The following SLC23A2 variants were observed in gnomAD, a reference collection of about 807,000 sequenced individuals.
SLC23A2 encodes solute carrier family 23 member 2.
A neutral mutation model predicts 73.3 loss-of-function variants in SLC23A2; 36 were observed. The observed-to-expected ratio is 0.49, with a 90% confidence interval of 0.38 to 0.65. The LOEUF (loss-of-function observed/expected upper bound fraction) is 0.65, where lower values mean the gene tolerates loss of function less well. SLC23A2 is among the 30% of genes least tolerant of loss of function. The probability of loss-of-function intolerance (pLI) is 0.00; values close to 1 mark genes in which losing one functional copy is unlikely to be tolerated. For missense variants in SLC23A2, 507 were observed against 841.6 expected, an observed-to-expected ratio of 0.60 and a Z score of 4.92; for synonymous variants, 343 against 327.3, an observed-to-expected ratio of 1.05 and a Z score of -0.52.
At chr20:4,865,925 T>C (rs1425416965) in intron 13 of SLC23A2, among the ~76,000 whole-genome samples, 2 of 152,172 alleles carry the variant, frequency 1.3e-5, no homozygotes, top group African/African-American at 4.8e-5. Context: ...CTCTGCGTCC[T>C]GGGTTCAAGT....
chr20:4,973,589 T>C (rs1251814114), intron 1 of SLC23A2, among the ~76,000 whole-genome samples: 2 of 152,162 alleles, frequency 1.3e-5, no homozygotes, highest in East Asian at 3.8e-4. Flanking sequence ...TAAGAAGGAA[T>C]CACGATACAA....
intron 5 of SLC23A2, among the ~76,000 whole-genome samples, chr20:4,900,821 G>A (rs1322169209): frequency 6.6e-6 from 1 of 151,612 alleles, no homozygotes; most frequent in Non-Finnish European, 1.5e-5. Context: ...TTCCCCTGTT[G>A]ACCAGTTCTT....
At chr20:4,896,282 C>T (rs913875688) in intron 6 of SLC23A2, among the ~76,000 whole-genome samples, 2 of 152,176 alleles carry the variant, frequency 1.3e-5, no homozygotes, top group Non-Finnish European at 2.9e-5. Context: ...AGGACCCACA[C>T]GGAAGAAGGT....
intron 4 of SLC23A2, among the ~76,000 whole-genome samples, chr20:4,910,742 G>A (rs1932113427): frequency 1.3e-5 from 2 of 152,140 alleles, no homozygotes; most frequent in Admixed American, 6.6e-5. Flanking sequence ...AGCCCAACTA[G>A]CACTATTTAA....
intron 1 of SLC23A2, among the ~76,000 whole-genome samples, chr20:4,994,126 C>T (rs1414204376): frequency 1.3e-5 from 2 of 152,116 alleles, no homozygotes; most frequent in Non-Finnish European, 2.9e-5. Flanking sequence ...ATTCTCAGCA[C>T]TGACCACATA....
chr20:4,908,907 C>T (rs6116577), intron 4 of SLC23A2, among the ~76,000 whole-genome samples: 1 of 152,150 alleles, frequency 6.6e-6, no homozygotes, highest in Non-Finnish European at 1.5e-5. Flanking sequence ...GCATTCCAGC[C>T]TGAATGACAG....
chr20:4,858,111 C>A (rs570333918), intron 16 of SLC23A2, among the ~76,000 whole-genome samples: 2 of 152,208 alleles, frequency 1.3e-5, no homozygotes, highest in African/African-American at 2.4e-5. Context: ...TTCACCCCCC[C>A]ATCTAGACAG....
chr20:4,899,814 C>T lies in SLC23A2; in HGVS notation c.325-102G>A, dbSNP rs1931680458. On this transcript the variant is annotated intron_variant, in intron 5 of 16. Transcript: ENST00000338244. The surrounding 1 kb of genome is among the most constrained non-coding windows in gnomAD (Gnocchi z 4.9). ...CTCTTATTGTCGTTAAAAAATAGCC[C>T]ACATAAAGAATCTCCTTGGTTTTTC... 3 of 1,207,038 alleles carry T rather than the reference C, an allele frequency of 2.5e-6. No individual in the cohort carries two copies. The highest frequency in any genetic ancestry group is 2.3e-6 in the Non-Finnish European group (2 of 853,860). The allele number at this position is 1,207,038 out of a possible 1,614,324, so 74.8% of individuals were successfully genotyped here.
At chr20:4,900,242 T>C (rs1015439366) in intron 5 of SLC23A2, among the ~76,000 whole-genome samples, 1 of 152,360 alleles carries the variant, frequency 6.6e-6, no homozygotes, top group African/African-American at 2.4e-5. Flanking sequence ...CTTGGATGAA[T>C]CCATGCCTCA....
rs572655618 is a variant in SLC23A2, at chr20:4,984,326, G to A, written c.-281-13407C>T. Among the ~76,000 whole-genome samples, 82 of 152,018 alleles carry A rather than the reference G, an allele frequency of 5.4e-4. 1 individual carries two copies. In the East Asian group the frequency reaches 7.2e-3, roughly 13 times the overall value. On this transcript the variant is annotated intron_variant, in intron 1 of 16. Transcript: ENST00000338244. ...TCCCAGCACTTTGGGAGGCCGAGGC[G>A]GGTGGATCACAAGGTCAGGAGATCG...
At chr20:4,909,904 GA>G (rs2122888654) in intron 4 of SLC23A2, among the ~76,000 whole-genome samples, 1 of 152,282 alleles carries the variant, frequency 6.6e-6, no homozygotes, top group South Asian at 2.1e-4. Flanking sequence ...CAAAGTTACA[GA>G]AGACAAGTTT....
chr20:4,932,728 G>A lies in SLC23A2; in HGVS notation c.-154-12C>T, dbSNP rs1051148788. ...GCATCTCTTAGCACCTAGAAAAGAAGAGCACAGCCAAATCACCCCAAAGCA... is the reference window on the plus strand; with the variant it reads ...GCATCTCTTAGCACCTAGAAAAGAAAAGCACAGCCAAATCACCCCAAAGCA... On this transcript the variant is annotated splice_polypyrimidine_tract_variant and intron_variant, in intron 2 of 16. Transcript: ENST00000338244. The A allele has an allele frequency of 1.7e-6, 1 of 587,704 alleles. No homozygotes were observed. The highest frequency in any genetic ancestry group is 1.9e-5 in the African/African-American group (1 of 53,634). 36.4% of individuals were successfully genotyped at this position (587,704 alleles called of 1,614,324 possible).
At chr20:4,942,032 C>A (rs1367035688) in intron 2 of SLC23A2, among the ~76,000 whole-genome samples, 2 of 152,078 alleles carry the variant, frequency 1.3e-5, no homozygotes, top group Admixed American at 1.3e-4. Flanking sequence ...AAGATGGGCC[C>A]AATTTCACCC....
At chr20:4,950,903 C>G (rs1933722046) in intron 2 of SLC23A2, among the ~76,000 whole-genome samples, 1 of 152,164 alleles carries the variant, frequency 6.6e-6, no homozygotes, top group Non-Finnish European at 1.5e-5. Flanking sequence ...TTGAGGAGCT[C>G]AGCAGTGGGA....
At chr20:4,915,986 T>G (rs1192108829) in intron 3 of SLC23A2, among the ~76,000 whole-genome samples, 1 of 152,112 alleles carries the variant, frequency 6.6e-6, no homozygotes, top group Non-Finnish European at 1.5e-5. Flanking sequence ...ATAAAAACTA[T>G]GCCAGAGATC....
chr20:5,010,118 A>T (rs1177566914), intron 1 of SLC23A2: 1 of 148,784 alleles, frequency 6.7e-6, no homozygotes, highest in Non-Finnish European at 1.5e-5. Flanking sequence ...AAAAAAGAGG[A>T]TATGAAAGAG....
At chr20:4,858,465 C>T (rs1929824476) in intron 16 of SLC23A2, among the ~76,000 whole-genome samples, 1 of 152,186 alleles carries the variant, frequency 6.6e-6, no homozygotes, top group African/African-American at 2.4e-5. Flanking sequence ...AATCCAGTGC[C>T]TTCCATCTAT....
At chr20:4,929,909 A>G (rs1932767604) in intron 3 of SLC23A2, among the ~76,000 whole-genome samples, 1 of 152,238 alleles carries the variant, frequency 6.6e-6, no homozygotes, top group African/African-American at 2.4e-5. Flanking sequence ...TCTGTGTAAT[A>G]GTGGAGGGCA....
chr20:4,926,142 A>G (rs1932662200), intron 3 of SLC23A2, among the ~76,000 whole-genome samples: 1 of 152,132 alleles, frequency 6.6e-6, no homozygotes, highest in Non-Finnish European at 1.5e-5. Flanking sequence ...ACCCAGGAGT[A>G]TTTCTCCCAC....
Sources: gnomAD v4.1 joint callset for allele counts (sites outside exome capture counted in the v4.1 genomes callset) on GRCh38, gnomAD v4.1.1 for gene constraint, Gnocchi (gnomAD v3.1) non-coding constraint, MANE v1.5 for transcripts, NCBI Gene and HGNC (gene_info 2026-07-23, HGNC 2026-07-21) for gene names.